DIS3L2: variants seen among roughly 807,000 people sequenced by gnomAD.
DIS3L2 encodes DIS3 like 3'-5' exoribonuclease 2, also known as DIS3-like exonuclease 2.
DIS3L2 carries 34 observed loss-of-function variants against 97.5 expected under a neutral mutation model. The observed-to-expected ratio is 0.35, with a 90% CI of 0.27 to 0.46. DIS3L2 has a LOEUF of 0.46. Among genes scored for constraint, DIS3L2 ranks in the 20% least tolerant of loss-of-function variants. The probability of loss-of-function intolerance (pLI) is 1.00; values close to 1 mark genes in which losing one functional copy is unlikely to be tolerated. For missense variants in DIS3L2, 1,038 were observed against 1,146.0 expected (o/e 0.91, Z 1.36); for synonymous variants, 435 against 445.2 (o/e 0.98, Z 0.29).
chr2:232,275,286 GC>G lies in DIS3L2; in HGVS notation c.1659+11848del, dbSNP rs760062854. On this transcript the variant is annotated intron_variant, in intron 13 of 20. Coordinates refer to ENST00000325385, the MANE Select transcript of DIS3L2 (RefSeq NM_152383.5). ...TTTACTCCTTTTTATTTTCCTCCCT[GC>G]CTGCATTCTTGACTATAACTGTTAA... Among the ~76,000 whole-genome samples the G allele has an allele frequency of 3.3e-5, 5 of 152,214 alleles. 1 individual carries two copies. In the South Asian group the frequency reaches 1.0e-3, roughly 32 times the overall value.
At chr2:231,971,876 C>T (rs1435115240) in intron 1 of DIS3L2, among the ~76,000 whole-genome samples, 2 of 151,134 alleles carry the variant, frequency 1.3e-5, no homozygotes, top group Non-Finnish European at 3.0e-5. Flanking sequence ...CCACCACGCC[C>T]GGCCCATCTT....
At position 232,276,238 on chromosome 2, in the gene DIS3L2, C is replaced by A. The variant is rs1401539943; in HGVS notation, c.1659+12798C>A. 6.6e-6 allele frequency among the ~76,000 whole-genome samples: 1 copy of A among 152,240 alleles called. No homozygotes were observed. Among genetic ancestry groups the A allele is most frequent in the East Asian group, 1.9e-4 (1 of 5,202 alleles). On this transcript the variant is annotated intron_variant, in intron 13 of 20. Coordinates refer to ENST00000325385, the MANE Select transcript of DIS3L2 (RefSeq NM_152383.5). The surrounding 1 kb of genome is among the most constrained non-coding windows in gnomAD (Gnocchi z 4.4). ...ATTTGAACAGAGAGCTGTGACTGAG[C>A]TCTGAGAATGCTGGCTTGGCCATTA...
chr2:232,045,849 A>G (rs1334373870), intron 5 of DIS3L2, among the ~76,000 whole-genome samples: 1 of 151,504 alleles, frequency 6.6e-6, no homozygotes, highest in African/African-American at 2.4e-5. Flanking sequence ...TAATTTTTGT[A>G]TTTTTAGTAG....
At chr2:232,048,779 G>A (rs1045363909) in intron 5 of DIS3L2, among the ~76,000 whole-genome samples, 7 of 151,824 alleles carry the variant, frequency 4.6e-5, no homozygotes, top group African/African-American at 1.7e-4. Context: ...TGTTGCTGTT[G>A]TTGAAGGAGG....
intron 14 of DIS3L2, among the ~76,000 whole-genome samples, chr2:232,318,504 GA>G (rs1471983761): frequency 1.3e-5 from 2 of 152,220 alleles, no homozygotes; most frequent in African/African-American, 4.8e-5. Flanking sequence ...GCCCATCGAG[GA>G]AGACAGGTAT....
intron 9 of DIS3L2, among the ~76,000 whole-genome samples, chr2:232,200,591 T>A (rs953198825): frequency 1.3e-4 from 19 of 151,934 alleles, no homozygotes; most frequent in South Asian, 2.1e-4. Flanking sequence ...TGAATTTTTT[T>A]AAAAAATCAA....
chr2:232,078,648 T>C (rs1045269970), intron 5 of DIS3L2, among the ~76,000 whole-genome samples: 1 of 152,248 alleles, frequency 6.6e-6, no homozygotes, highest in African/African-American at 2.4e-5. Context: ...TCTACCTGTT[T>C]ATCCATTTAT....
At chr2:232,040,237 T>G (rs1695070575) in intron 5 of DIS3L2, among the ~76,000 whole-genome samples, 1 of 152,218 alleles carries the variant, frequency 6.6e-6, no homozygotes, top group Non-Finnish European at 1.5e-5. Flanking sequence ...GTGAAAATTT[T>G]AGGTTTCAGG....
chr2:232,109,034 C>T (rs1697442432), intron 6 of DIS3L2, among the ~76,000 whole-genome samples: 1 of 152,218 alleles, frequency 6.6e-6, no homozygotes, highest in South Asian at 2.1e-4. Context: ...CATTGACATT[C>T]TTCACAGAAT....
intron 5 of DIS3L2, among the ~76,000 whole-genome samples, chr2:232,057,689 A>G (rs938534120): frequency 6.6e-6 from 1 of 152,148 alleles, no homozygotes; most frequent in African/African-American, 2.4e-5. Context: ...TACAGCCTTG[A>G]GATCACCACT....
chr2:232,253,891 A>T (rs2106269671), intron 12 of DIS3L2, among the ~76,000 whole-genome samples: 1 of 152,350 alleles, frequency 6.6e-6, no homozygotes, highest in East Asian at 1.9e-4. Context: ...TATTTGAACT[A>T]TGTATACTTT....
At chr2:232,214,194 C>T (rs1182472957) in intron 10 of DIS3L2, among the ~76,000 whole-genome samples, 2 of 152,196 alleles carry the variant, frequency 1.3e-5, no homozygotes, top group Admixed American at 1.3e-4. Context: ...CAGCATACCT[C>T]ACAGCTGACC....
At chr2:232,275,548 A>G (rs1694119812) in intron 13 of DIS3L2, among the ~76,000 whole-genome samples, 1 of 152,234 alleles carries the variant, frequency 6.6e-6, no homozygotes, top group Non-Finnish European at 1.5e-5. Flanking sequence ...CATTTTTAAA[A>G]GAGTGATAGT....
chr2:232,028,632 G>T (rs1354531082), intron 4 of DIS3L2, among the ~76,000 whole-genome samples: 1 of 152,170 alleles, frequency 6.6e-6, no homozygotes, highest in Non-Finnish European at 1.5e-5. Context: ...GGGTTAGGGT[G>T]ACCTCCAAAC....
chr2:232,146,292 A>G (rs536723951), intron 8 of DIS3L2, among the ~76,000 whole-genome samples: 1 of 152,332 alleles, frequency 6.6e-6, no homozygotes, highest in South Asian at 2.1e-4. Context: ...TAAGAGCTTT[A>G]CATTTTCTGT....
rs1449508575 is a variant in DIS3L2 at position 232,293,138 on chromosome 2, G to A, written c.1660-6902G>A. ...GTTCCTTGCCGTGCCTGATAGCTAG[G>A]AAGTATCTAGTGAGCATTGTTGAGG... On this transcript the variant is annotated intron_variant, in intron 13 of 20. Coordinates refer to ENST00000325385, the MANE Select transcript of DIS3L2 (RefSeq NM_152383.5). This position sits in a 1 kb window ranked among gnomAD's most constrained non-coding sequence, Gnocchi z 4.6. 6.6e-6 allele frequency among the ~76,000 whole-genome samples: 1 copy of A among 152,100 alleles called. No individual in the cohort carries two copies. The highest frequency in any genetic ancestry group is 1.5e-5 in the Non-Finnish European group (1 of 68,018).
rs148734526 is a variant in DIS3L2, at chr2:232,230,465, C to T, written c.1205-8068C>T. ...ACTGTTTTCTATCTCTGTTGAGGCT[C>T]CTATGTTGGGAAAACTGGCCACAGG... On this transcript the variant is annotated intron_variant, in intron 10 of 20. Transcript: ENST00000325385. Among the ~76,000 whole-genome samples, 12 of 152,270 alleles carry T rather than the reference C, an allele frequency of 7.9e-5. No homozygotes were observed. In the East Asian group the frequency reaches 2.3e-3, roughly 29 times the overall value.
chr2:232,244,084 C>G (rs934098747), intron 11 of DIS3L2, among the ~76,000 whole-genome samples: 1 of 152,158 alleles, frequency 6.6e-6, no homozygotes, highest in Non-Finnish European at 1.5e-5. Context: ...CAAGTCTTAT[C>G]TAGAATAATT....
chr2:232,003,756 A>G (rs1290223320), intron 1 of DIS3L2, among the ~76,000 whole-genome samples: 3 of 152,198 alleles, frequency 2.0e-5, no homozygotes, highest in Non-Finnish European at 2.9e-5. Flanking sequence ...CCCTTTAAAG[A>G]TAAGTTATTC....
Sources: allele counts gnomAD v4.1 joint callset (sites outside exome capture counted in the v4.1 genomes callset), GRCh38; gene constraint gnomAD v4.1.1; non-coding constraint Gnocchi (gnomAD v3.1); transcripts MANE v1.5; gene names NCBI Gene and HGNC (gene_info 2026-07-23, HGNC 2026-07-21).